MAD2L1BP: variants seen among roughly 807,000 people sequenced by gnomAD.
MAD2L1BP encodes MAD2L1-binding protein.
A neutral mutation model predicts 28.4 loss-of-function variants in MAD2L1BP; 22 were observed. That is an observed-to-expected ratio of 0.77 (90% confidence interval 0.55 to 1.10). The LOEUF is 1.10. MAD2L1BP is among the 50% of genes least tolerant of loss of function. MAD2L1BP has a pLI of 0.00. For missense variants in MAD2L1BP, 325 were observed against 350.5 expected, an observed-to-expected ratio of 0.93 and a Z score of 0.58; for synonymous variants, 146 against 133.7, an observed-to-expected ratio of 1.09 and a Z score of -0.63.
upstream of MAD2L1BP, chr6:43,633,058 G>T (rs1197318436): frequency 2.9e-6 from 1 of 339,972 alleles, no homozygotes; most frequent in Non-Finnish European, 5.6e-6. Flanking sequence ...AAAACTTCTG[G>T]ACTCAAGCAA....
At chr6:43,636,684 T>C in intron 2 of MAD2L1BP, 38 bp downstream of exon 2, 1 of 1,596,910 alleles carries the variant, frequency 6.3e-7, no homozygotes, top group Non-Finnish European at 8.6e-7. Flanking sequence ...GTGGGAAGAC[T>C]TTGTGGCTCT....
upstream of MAD2L1BP, among the ~76,000 whole-genome samples, chr6:43,634,321 A>G (rs1770084262): frequency 6.7e-6 from 1 of 150,306 alleles, no homozygotes; most frequent in Non-Finnish European, 1.5e-5. Flanking sequence ...CCTGGACTCA[A>G]GCAATCCTCT....
At chr6:43,639,727 A>C (rs919882445) in intron 2 of MAD2L1BP, among the ~76,000 whole-genome samples, 1 of 152,200 alleles carries the variant, frequency 6.6e-6, no homozygotes, top group Non-Finnish European at 1.5e-5. Flanking sequence ...ATTTGTTGTC[A>C]CTTTGTCATG....
chr6:43,636,536 G>T lies in MAD2L1BP; in HGVS notation c.202G>T (p.Gly68Cys). 1.2e-6 allele frequency: 2 copies of T among 1,614,182 alleles called. No individual in the cohort carries two copies. Among genetic ancestry groups the T allele is most frequent in the Non-Finnish European group, 1.7e-6 (2 of 1,180,038 alleles). ...VVFPGPVSQE[G>C]CCQFTCELLK... ...GTTTCCTGGGCCTGTGAGCCAGGAAGGCTGCTGTCAGTTTACTTGTGAACT... is the reference window on the plus strand; with the variant it reads ...GTTTCCTGGGCCTGTGAGCCAGGAATGCTGCTGTCAGTTTACTTGTGAACT... The change falls in exon 2 of 3, where the codon GGC (glycine) becomes TGC (cysteine). Residue 68 changes from glycine (G) to cysteine (C), a missense_variant. By Grantham distance (159) the Gly-to-Cys change is radical. Transcript: ENST00000372171.
upstream of MAD2L1BP, among the ~76,000 whole-genome samples, chr6:43,635,347 C>G (rs1229169750): frequency 6.6e-6 from 1 of 152,246 alleles, no homozygotes; most frequent in Non-Finnish European, 1.5e-5. Context: ...ACTTATCCTA[C>G]AGGTCACAGC....
chr6:43,639,653 T>C (rs901502941), intron 2 of MAD2L1BP, among the ~76,000 whole-genome samples: 9 of 152,174 alleles, frequency 5.9e-5, no homozygotes, highest in African/African-American at 2.2e-4. Context: ...GAAGAACAAG[T>C]TCAAAGTCAT....
In MAD2L1BP at chr6:43,637,787, C is replaced by T. The variant is rs987361738; in HGVS notation, c.312+1141C>T. On this transcript the variant is annotated intron_variant, in intron 2 of 2. Coordinates refer to ENST00000372171, the MANE Select transcript of MAD2L1BP (RefSeq NM_014628.3). ...CTAATTTTTGTATTTTTAGTATAGA[C>T]GGGGTTTCACCATGTTGGCCAGGCT... 2.8e-4 allele frequency among the ~76,000 whole-genome samples: 42 copies of T among 151,814 alleles called. 1 individual carries two copies. The highest frequency in any genetic ancestry group is 2.6e-3 in the Admixed American group (40 of 15,236).
At chr6:43,637,935 G>C (rs1391862487) in intron 2 of MAD2L1BP, among the ~76,000 whole-genome samples, 2 of 147,008 alleles carry the variant, frequency 1.4e-5, no homozygotes, top group African/African-American at 5.1e-5. Flanking sequence ...TCTCGCTCTT[G>C]TGTGGCCCAG....
upstream of MAD2L1BP, among the ~76,000 whole-genome samples, chr6:43,634,115 T>C (rs965212234): frequency 2.6e-5 from 4 of 152,106 alleles, no homozygotes; most frequent in Non-Finnish European, 5.9e-5. Flanking sequence ...ATTCAATCTG[T>C]GAAAAGCTGA....
In MAD2L1BP at chr6:43,640,176, C is replaced by CA. The variant is rs1770486711; in HGVS notation, c.470dup (p.Asn157LysfsTer10). 1 of 1,613,346 alleles carries CA rather than the reference C, an allele frequency of 6.2e-7. No individual in the cohort carries two copies. The highest frequency in any genetic ancestry group is 8.5e-7 in the Non-Finnish European group (1 of 1,179,566). ...CGCGAGTGCTGATTCTCCTTGGGGG[C>CA]AATGCCCTAAGCCCCAAGGAGTTCT... On this transcript the variant is annotated frameshift_variant, in exon 3 of 3. Transcript: ENST00000372171. LOFTEE classifies it high-confidence loss of function.
At chr6:43,635,768 C>T (rs1770170090), upstream of MAD2L1BP, 2 of 1,188,662 alleles carry the variant, frequency 1.7e-6, no homozygotes, top group Admixed American at 3.7e-5. Context: ...GCGGCGACGC[C>T]GCGCCTTTTT....
exon 1 of MAD2L1BP, chr6:43,629,587 A>T (rs559190381): frequency 3.8e-5 from 28 of 735,524 alleles, no homozygotes; most frequent in African/African-American, 3.0e-4. Context: ...CGAGGACACC[A>T]GCGTAGAAGA....
upstream of MAD2L1BP, among the ~76,000 whole-genome samples, chr6:43,635,312 C>G (rs1017073650): frequency 6.6e-6 from 1 of 152,206 alleles, no homozygotes; most frequent in Non-Finnish European, 1.5e-5. Context: ...TCCAGGAGCA[C>G]TAGGCCCTCC....
upstream of MAD2L1BP, among the ~76,000 whole-genome samples, chr6:43,631,188 T>A (rs1437387932): frequency 6.6e-6 from 1 of 152,172 alleles, no homozygotes; most frequent in Non-Finnish European, 1.5e-5. Context: ...GCCAATTATG[T>A]GGGTCTTCAG....
intron 2 of MAD2L1BP, among the ~76,000 whole-genome samples, chr6:43,637,050 G>A (rs766009507): frequency 6.6e-6 from 1 of 150,658 alleles, no homozygotes; most frequent in Admixed American, 6.6e-5. Flanking sequence ...GCTAATTTTT[G>A]TATTTTAATT....
At chr6:43,631,131 T>A (rs1490456296), upstream of MAD2L1BP, among the ~76,000 whole-genome samples, 2 of 152,040 alleles carry the variant, frequency 1.3e-5, no homozygotes, top group African/African-American at 4.8e-5. Context: ...CCCAAAGCAG[T>A]GAGAGCAGAG....
chr6:43,635,543 C>A (rs915908262), upstream of MAD2L1BP, among the ~76,000 whole-genome samples: 1 of 152,272 alleles, frequency 6.6e-6, no homozygotes, highest in Non-Finnish European at 1.5e-5. Flanking sequence ...CTGTCTCCAG[C>A]ACCTAGGACA....
upstream of MAD2L1BP, among the ~76,000 whole-genome samples, chr6:43,634,292 T>C (rs375427559): frequency 1.5e-4 from 22 of 146,544 alleles, no homozygotes; most frequent in African/African-American, 5.7e-4. Flanking sequence ...TGATCATAGC[T>C]CACTGTAAGT....
chr6:43,629,780 G>T (rs201942612), intron 1 of MAD2L1BP: 109 of 1,563,958 alleles, frequency 7.0e-5, no homozygotes, highest in Non-Finnish European at 9.1e-5. Context: ...GTGAGTCAGG[G>T]CGAACGCCAG....
Sources: allele counts gnomAD v4.1 joint callset (sites outside exome capture counted in the v4.1 genomes callset), GRCh38; gene constraint gnomAD v4.1.1; transcripts MANE v1.5; gene names NCBI Gene and HGNC (gene_info 2026-07-23, HGNC 2026-07-21).